Variants in PCDHA3 observed in about 807,000 individuals in gnomAD.
PCDHA3 encodes protocadherin alpha-3.
A neutral mutation model predicts 62.2 loss-of-function variants in PCDHA3; 41 were observed. That is an observed-to-expected ratio of 0.66 (90% CI 0.51 to 0.86). PCDHA3 has a LOEUF of 0.86. PCDHA3 is among the 40% of genes least tolerant of loss of function. The pLI, the probability that PCDHA3 is intolerant of heterozygous loss-of-function variation, is 0.00. For synonymous variants in PCDHA3, 640 were observed against 555.4 expected (o/e 1.15, Z -2.14); for missense variants, 1,304 against 1,241.2 (o/e 1.05, Z -0.76).
chr5:140,900,095 C>G (rs1299633318), intron 1 of PCDHA3, among the ~76,000 whole-genome samples: 1 of 152,160 alleles, frequency 6.6e-6, no homozygotes, highest in Non-Finnish European at 1.5e-5. Flanking sequence ...CAAGCATGCG[C>G]CACCATACCT....
chr5:140,891,009 A>G (rs2062900955), intron 1 of PCDHA3, among the ~76,000 whole-genome samples: 1 of 151,934 alleles, frequency 6.6e-6, no homozygotes, highest in South Asian at 2.1e-4. Flanking sequence ...ATTGAAAAGC[A>G]TTTTTTCTGA....
intron 1 of PCDHA3, among the ~76,000 whole-genome samples, chr5:140,914,284 G>T (rs781914384): frequency 9.9e-5 from 15 of 152,022 alleles, no homozygotes; most frequent in Non-Finnish European, 2.1e-4. Flanking sequence ...ATTTATAATT[G>T]TTATATCCTC....
At chr5:140,904,125 C>G (rs2070849198) in intron 1 of PCDHA3, among the ~76,000 whole-genome samples, 1 of 151,972 alleles carries the variant, frequency 6.6e-6, no homozygotes, top group East Asian at 1.9e-4. Flanking sequence ...TTTTGGTGCA[C>G]CCATCACCCG....
chr5:140,822,799 G>A, intron 1 of PCDHA3: 1 of 1,614,160 alleles, frequency 6.2e-7, no homozygotes, highest in Middle Eastern at 1.6e-4. Flanking sequence ...ACTCCTGGAT[G>A]TGAATGATAA....
At chr5:140,888,198 G>A (rs1031899783) in intron 1 of PCDHA3, among the ~76,000 whole-genome samples, 2 of 152,044 alleles carry the variant, frequency 1.3e-5, no homozygotes, top group Admixed American at 6.6e-5. Flanking sequence ...TTACATTGTC[G>A]GATGCTGGAT....
At chr5:140,997,993 C>T (rs1356544638) in intron 3 of PCDHA3, among the ~76,000 whole-genome samples, 1 of 152,082 alleles carries the variant, frequency 6.6e-6, no homozygotes, top group Non-Finnish European at 1.5e-5. Flanking sequence ...TACATACTTC[C>T]CTCTGAGCCT....
chr5:140,943,094 TA>T lies in PCDHA3; in HGVS notation c.2395-35849del, dbSNP rs546939375. Among the ~76,000 whole-genome samples, 19 of 151,404 alleles carry T rather than the reference TA, an allele frequency of 1.3e-4. No individual in the cohort carries two copies. In the East Asian group the frequency reaches 3.7e-3, roughly 29 times the overall value. On this transcript the variant is annotated intron_variant, in intron 1 of 3. Coordinates refer to ENST00000522353, the MANE Select transcript of PCDHA3 (RefSeq NM_018906.3). ...CAACATGGTGAAATCCTGCCTCTAC[TA>T]AAAAATACAAAAATTAGCCAGGTGT... is the stretch of plus-strand genomic sequence containing the variant.
intron 1 of PCDHA3, among the ~76,000 whole-genome samples, chr5:140,837,935 T>TC (rs1775325521): frequency 6.6e-6 from 1 of 151,856 alleles, no homozygotes; most frequent in Non-Finnish European, 1.5e-5. Flanking sequence ...TACCTTGGCC[T>TC]CCCAAAGTAT....
chr5:140,862,466 CA>C, intron 1 of PCDHA3: 1 of 371,398 alleles, frequency 2.7e-6, no homozygotes. Context: ...ACCAAGAGAG[CA>C]AATCTATCCA....
chr5:140,951,707 G>A (rs1162162711), intron 1 of PCDHA3, among the ~76,000 whole-genome samples: 6 of 152,076 alleles, frequency 3.9e-5, no homozygotes, highest in African/African-American at 1.4e-4. Flanking sequence ...TTTGGGCGGG[G>A]ACACAGATCC....
At chr5:140,869,226 C>T (rs1428940405) in intron 1 of PCDHA3, 5 of 1,613,644 alleles carry the variant, frequency 3.1e-6, no homozygotes, top group African/African-American at 1.3e-5. Context: ...AGGCCAAACA[C>T]GGCACCTTCG....
At chr5:140,990,792 T>C (rs1554251750) in intron 3 of PCDHA3, among the ~76,000 whole-genome samples, 2 of 152,176 alleles carry the variant, frequency 1.3e-5, no homozygotes, top group African/African-American at 4.8e-5. Flanking sequence ...CGATGAACCA[T>C]GGAATACAGA....
intron 1 of PCDHA3, chr5:140,805,447 GTGTT>G: frequency 9.6e-7 from 1 of 1,037,082 alleles, no homozygotes; most frequent in Non-Finnish European, 1.2e-6. Context: ...TTGTGTGTGT[GTGTT>G]TGTGTGAGTG....
At chr5:140,871,010 TGG>T in intron 1 of PCDHA3, 1 of 1,613,348 alleles carries the variant, frequency 6.2e-7, no homozygotes, top group South Asian at 1.1e-5. Context: ...ACGCGTGCCC[TGG>T]ACGAGGCAGA....
intron 1 of PCDHA3, among the ~76,000 whole-genome samples, chr5:140,941,777 T>C (rs903102270): frequency 6.6e-6 from 1 of 152,262 alleles, no homozygotes; most frequent in Admixed American, 6.5e-5. Context: ...ATTGTTTTAA[T>C]GTTTTACCCA....
intron 1 of PCDHA3, among the ~76,000 whole-genome samples, chr5:140,908,419 A>G (rs782714084): frequency 6.6e-6 from 1 of 152,196 alleles, no homozygotes; most frequent in Non-Finnish European, 1.5e-5. Context: ...TGATGATGGA[A>G]TGCTGCTGTG....
intron 1 of PCDHA3, among the ~76,000 whole-genome samples, chr5:140,964,981 T>C (rs2095867317): frequency 6.6e-6 from 1 of 152,188 alleles, no homozygotes; most frequent in Non-Finnish European, 1.5e-5. Context: ...ATGTGCTAGT[T>C]CAGGCCTTTG....
intron 1 of PCDHA3, among the ~76,000 whole-genome samples, chr5:140,881,751 A>G (rs974973794): frequency 6.6e-6 from 1 of 152,206 alleles, no homozygotes; most frequent in Non-Finnish European, 1.5e-5. Flanking sequence ...GGACAGTACC[A>G]CAAAAACCTA....
intron 1 of PCDHA3, chr5:140,804,806 A>T: frequency 3.3e-6 from 1 of 306,632 alleles, no homozygotes; most frequent in Non-Finnish European, 6.0e-6. Flanking sequence ...GAGAAATAGT[A>T]ACCAACTGAA....
Sources: gnomAD v4.1 joint callset for allele counts (sites outside exome capture counted in the v4.1 genomes callset) on GRCh38, gnomAD v4.1.1 for gene constraint, MANE v1.5 for transcripts, NCBI Gene and HGNC (gene_info 2026-07-23, HGNC 2026-07-21) for gene names.